The following KCNIP4 variants were observed in gnomAD, a reference collection of about 807,000 sequenced individuals.
KCNIP4 encodes Kv channel-interacting protein 4.
Under a neutral mutation model 34.0 loss-of-function variants are expected in KCNIP4, and 12 were observed. The ratio of observed to expected loss-of-function variants is 0.35; its 90% CI spans 0.23 to 0.57. The LOEUF (loss-of-function observed/expected upper bound fraction) is 0.57, where lower values mean the gene tolerates loss of function less well. KCNIP4 is among the 20% of genes least tolerant of loss of function. The pLI is 0.83. For missense variants in KCNIP4, 238 were observed against 311.7 expected (o/e 0.76, Z 1.78); for synonymous variants, 124 against 102.2 (o/e 1.21, Z -1.29).
rs571608161 is a variant in KCNIP4 at position 20,780,122 on chromosome 4, T to A, written c.289-21232A>T. Among the ~76,000 whole-genome samples, 195 of 152,306 alleles carry A rather than the reference T, an allele frequency of 1.3e-3. 4 individuals are homozygous for A. In the South Asian group the frequency reaches 0.039, roughly 30 times the overall value. ...ATAGTGCAGATTAGTATGGAACTTG[T>A]GAGACTAAGAAGGGCTGGTGATCCC... On this transcript the variant is annotated intron_variant, in intron 3 of 8. Coordinates refer to ENST00000382152, the MANE Select transcript of KCNIP4 (RefSeq NM_025221.6).
chr4:21,286,827 G>A (rs576262650), intron 1 of KCNIP4, among the ~76,000 whole-genome samples: 1 of 152,176 alleles, frequency 6.6e-6, no homozygotes, highest in African/African-American at 2.4e-5. Context: ...GACAGATCTT[G>A]AGGTAAAATC....
intron 1 of KCNIP4, among the ~76,000 whole-genome samples, chr4:21,263,347 G>T (rs369295636): frequency 1.8e-4 from 28 of 152,308 alleles, no homozygotes; most frequent in African/African-American, 5.5e-4. Context: ...TCATCCAAAT[G>T]GTTAGTGGCG....
At chr4:21,247,615 TTATATC>T (rs1210333676) in intron 1 of KCNIP4, among the ~76,000 whole-genome samples, 360 of 138,004 alleles carry the variant, frequency 2.6e-3, no homozygotes, top group African/African-American at 9.0e-3. Context: ...GTATATATAT[TTATATC>T]TATATATTTA....
intron 1 of KCNIP4, among the ~76,000 whole-genome samples, chr4:21,344,928 G>T (rs1397567980): frequency 6.6e-6 from 1 of 152,062 alleles, no homozygotes; most frequent in East Asian, 1.9e-4. Flanking sequence ...AGAAAGTTCT[G>T]GTGTCCACTG....
chr4:21,291,985 G>A lies in KCNIP4; in HGVS notation c.62-409276C>T, dbSNP rs150638349. Among the ~76,000 whole-genome samples, 138 of 151,520 alleles carry A rather than the reference G, an allele frequency of 9.1e-4. 1 individual carries two copies. Among genetic ancestry groups the A allele is most frequent in the African/African-American group, 3.2e-3 (132 of 41,272 alleles). Reference sequence around the variant, plus strand: ...AATAAATCTTCATCACTGAAATTCAGAATACAAGTAGAAAATTCCGTCTAT... The same window carrying A: ...AATAAATCTTCATCACTGAAATTCAAAATACAAGTAGAAAATTCCGTCTAT... On this transcript the variant is annotated intron_variant, in intron 1 of 8. Transcript: ENST00000382152.
intron 1 of KCNIP4, among the ~76,000 whole-genome samples, chr4:21,817,761 T>C (rs535933423): frequency 6.6e-6 from 1 of 152,268 alleles, no homozygotes; most frequent in Non-Finnish European, 1.5e-5. Flanking sequence ...GGGGAAAAAC[T>C]CTGCCCTGGT....
intron 1 of KCNIP4, among the ~76,000 whole-genome samples, chr4:21,925,793 G>A (rs895014269): frequency 6.6e-6 from 1 of 152,244 alleles, no homozygotes; most frequent in South Asian, 2.1e-4. Context: ...AAGACCCCAC[G>A]ATAAGAGAGA....
chr4:21,405,584 C>G (rs913558375), intron 1 of KCNIP4, among the ~76,000 whole-genome samples: 2 of 152,192 alleles, frequency 1.3e-5, no homozygotes, highest in Non-Finnish European at 2.9e-5. Context: ...CAGCAACTTG[C>G]TTTTCCTCTG....
chr4:21,387,686 G>A (rs999632864), intron 1 of KCNIP4, among the ~76,000 whole-genome samples: 1 of 152,128 alleles, frequency 6.6e-6, no homozygotes, highest in Non-Finnish European at 1.5e-5. Flanking sequence ...ATAAGGTTTT[G>A]TGGACAGTGG....
intron 1 of KCNIP4, among the ~76,000 whole-genome samples, chr4:21,238,304 C>A (rs1437541803): frequency 3.3e-5 from 5 of 152,140 alleles, no homozygotes; most frequent in Admixed American, 3.3e-4. Context: ...GAAGCATTCC[C>A]TTTGAAAACT....
intron 1 of KCNIP4, among the ~76,000 whole-genome samples, chr4:21,910,753 G>T (rs990984568): frequency 6.6e-6 from 1 of 152,120 alleles, no homozygotes; most frequent in Non-Finnish European, 1.5e-5. Context: ...TTACTTTTCA[G>T]CTTCTGTGTT....
intron 1 of KCNIP4, among the ~76,000 whole-genome samples, chr4:21,532,841 G>T (rs1327510390): frequency 6.6e-6 from 1 of 151,770 alleles, no homozygotes; most frequent in African/African-American, 2.4e-5. Flanking sequence ...CTTAACCTTG[G>T]CGTTTGTTTT....
intron 1 of KCNIP4, among the ~76,000 whole-genome samples, chr4:21,796,727 T>C (rs1720646731): frequency 6.6e-6 from 1 of 152,230 alleles, no homozygotes; most frequent in South Asian, 2.1e-4. Flanking sequence ...ATTGGAAATT[T>C]CATTTTTTAA....
chr4:21,572,019 C>A (rs1019590087), intron 1 of KCNIP4, among the ~76,000 whole-genome samples: 1 of 152,050 alleles, frequency 6.6e-6, no homozygotes, highest in Non-Finnish European at 1.5e-5. Flanking sequence ...TATTATAGAC[C>A]TAGCAAATAA....
intron 1 of KCNIP4, among the ~76,000 whole-genome samples, chr4:21,687,175 G>C (rs1481494543): frequency 2.7e-5 from 3 of 110,434 alleles, no homozygotes; most frequent in South Asian, 7.9e-4. Flanking sequence ...GTGGTGGGGT[G>C]GGGGGAGGGG....
At chr4:21,696,690 AC>A (rs1377183395) in intron 1 of KCNIP4, among the ~76,000 whole-genome samples, 1 of 152,190 alleles carries the variant, frequency 6.6e-6, no homozygotes, top group Non-Finnish European at 1.5e-5. Flanking sequence ...TAATTTTGGA[AC>A]ATATTAAAAA....
At chr4:21,773,766 TG>T (rs1254141296) in intron 1 of KCNIP4, among the ~76,000 whole-genome samples, 3,130 of 145,842 alleles carry the variant, frequency 0.021, 147 homozygotes, top group African/African-American at 0.082. Flanking sequence ...TTTGTTTGTT[TG>T]TTTTTGTTTT....
chr4:21,127,416 T>C (rs1002050828), intron 1 of KCNIP4, among the ~76,000 whole-genome samples: 3 of 152,220 alleles, frequency 2.0e-5, no homozygotes, highest in African/African-American at 7.2e-5. Flanking sequence ...TCAACCTGTC[T>C]CTCATGACTC....
At chr4:21,589,438 G>A (rs1349349311) in intron 1 of KCNIP4, among the ~76,000 whole-genome samples, 1 of 149,368 alleles carries the variant, frequency 6.7e-6, no homozygotes, top group East Asian at 2.0e-4. Context: ...GCTAAGCTGA[G>A]CCTTAAAGGG....
Sources: allele counts gnomAD v4.1 joint callset (sites outside exome capture counted in the v4.1 genomes callset), GRCh38; gene constraint gnomAD v4.1.1; transcripts MANE v1.5; gene names NCBI Gene and HGNC (gene_info 2026-07-23, HGNC 2026-07-21).